Variants in SEC16B observed in about 807,000 individuals in gnomAD.
SEC16B encodes the protein protein transport protein Sec16B.
SEC16B carries 115 observed loss-of-function variants against 141.8 expected under a neutral mutation model. The ratio of observed to expected loss-of-function variants is 0.81; its 90% confidence interval spans 0.70 to 0.95. The LOEUF is 0.95. SEC16B is among the 40% of genes least tolerant of loss of function. The pLI is 0.00. For missense variants in SEC16B, 1,291 were observed against 1,312.3 expected (o/e 0.98, Z 0.25); for synonymous variants, 493 against 492.5 (o/e 1.00, Z -0.01).
intron 19 of SEC16B, among the ~76,000 whole-genome samples, chr1:177,936,924 C>T (rs1650885937): frequency 6.6e-6 from 1 of 152,156 alleles, no homozygotes; most frequent in Admixed American, 6.5e-5. Flanking sequence ...TAATCTCTCT[C>T]CTAGAAACTA....
chr1:177,941,779 G>T, intron 16 of SEC16B, 121 bp downstream of exon 16: 2 of 1,138,460 alleles, frequency 1.8e-6, no homozygotes, highest in East Asian at 2.4e-5. Context: ...AAAGATGGCC[G>T]TGGGCTCCAA....
Position 177,958,130 on chromosome 1 carries a change from G to T in SEC16B, c.1365+2C>A. ...ATAAGTATGGGGGAAGGGCATACTT[G>T]CCTTCTTCCTTCCATAGTAGAGCAG... On this transcript the variant is annotated splice_donor_variant, in intron 10 of 25. Coordinates refer to ENST00000308284, the MANE Select transcript of SEC16B (RefSeq NM_033127.4). LOFTEE classifies it high-confidence loss of function. The T allele has an allele frequency of 6.7e-7, 1 of 1,493,558 alleles. No individual in the cohort carries two copies. The highest frequency in any genetic ancestry group is 9.0e-7 in the Non-Finnish European group (1 of 1,116,164). The allele number at this position is 1,493,558 out of a possible 1,614,324, so 92.5% of individuals were successfully genotyped here. A position where few individuals can be genotyped will look rare whatever the true frequency, so the allele number is the denominator to read the frequency against.
intron 1 of SEC16B, among the ~76,000 whole-genome samples, chr1:177,983,571 C>A (rs888987681): frequency 6.6e-6 from 1 of 151,958 alleles, no homozygotes; most frequent in African/African-American, 2.4e-5. Flanking sequence ...TTTATGATCT[C>A]TGAAAATACT....
chr1:177,973,404 T>C (rs1210769996), upstream of SEC16B: 1 of 152,242 alleles, frequency 6.6e-6, no homozygotes, highest in African/African-American at 2.4e-5. Context: ...GATGATTTTA[T>C]TTTCTTCCTC....
At chr1:177,960,282 G>A (rs751804616) in intron 8 of SEC16B, 60 bp downstream of exon 8, 2 of 1,091,144 alleles carry the variant, frequency 1.8e-6, no homozygotes, top group Non-Finnish European at 2.8e-6. Flanking sequence ...ATGCTGATCT[G>A]GGCAGGAAGA....
chr1:177,973,192 C>T (rs1654029603), upstream of SEC16B: 1 of 152,180 alleles, frequency 6.6e-6, no homozygotes, highest in African/African-American at 2.4e-5. Context: ...TGAACACCCA[C>T]CTAGATCTAG....
chr1:177,967,401 T>G (rs6667659), intron 2 of SEC16B, among the ~76,000 whole-genome samples: 56,336 of 151,984 alleles, frequency 0.37, 10,735 homozygotes, highest in Admixed American at 0.42. Context: ...TTTCACCACT[T>G]TTTCTACCCT....
chr1:177,937,362 T>G lies in SEC16B; in HGVS notation c.2355A>C (p.Ala785=). ...TCCCTGTCTGCCCTGCACCCCCTCC[T>G]GCTGGGTAGGAGCCCGGCTGGAGGG... ...PFPLQPGSYP[A]GGGAGQTGTP... Residue 785 remains alanine (A), a synonymous_variant, in exon 19 of 26, where the codon GCA becomes GCC. Coordinates refer to ENST00000308284, the MANE Select transcript of SEC16B (RefSeq NM_033127.4). 3 of 1,613,400 alleles carry G rather than the reference T, an allele frequency of 1.9e-6. No homozygotes were observed. Among genetic ancestry groups the G allele is most frequent in the Non-Finnish European group, 2.5e-6 (3 of 1,179,714 alleles).
Position 177,945,979 on chromosome 1 carries a change from C to G in SEC16B, c.1775+441G>C, listed in dbSNP as rs1253262483. The G allele has an allele frequency of 4.9e-5, 14 of 283,982 alleles. No homozygotes were observed. In the South Asian group the frequency reaches 6.4e-4, roughly 13 times the overall value. The allele number at this position is 283,982 out of a possible 1,614,324, so 17.6% of individuals were successfully genotyped here. ...TGTGCACCAAGTCATTGTAGGGATG[C>G]TAGGGCCCCAAAGAGGGACTAAACA... On this transcript the variant is annotated intron_variant, in intron 14 of 25. Coordinates refer to ENST00000308284, the MANE Select transcript of SEC16B (RefSeq NM_033127.4).
Position 177,929,423 on chromosome 1 carries a change from G to T in SEC16B, c.*435C>A. 5.3e-6 allele frequency: 1 copy of T among 189,284 alleles called. No individual in the cohort carries two copies. Among genetic ancestry groups the T allele is most frequent in the Non-Finnish European group, 1.1e-5 (1 of 89,084 alleles). The allele number at this position is 189,284 out of a possible 1,614,324, so 11.7% of individuals were successfully genotyped here. A position where few individuals can be genotyped will look rare whatever the true frequency, so the allele number is the denominator to read the frequency against. ...GAGCCATGTATTGGTCTATTACTAA[G>T]ACAGGAAGTAGTCAAAGTTGGTCTA... On this transcript the variant is annotated 3_prime_UTR_variant, in exon 26 of 26. Transcript: ENST00000308284.
Position 177,929,785 on chromosome 1 carries a change from G to A in SEC16B, c.*73C>T, listed in dbSNP as rs753687928. The A allele has an allele frequency of 1.7e-5, 26 of 1,525,004 alleles. No individual in the cohort carries two copies. Among genetic ancestry groups the A allele is most frequent in the Non-Finnish European group, 2.2e-5 (24 of 1,110,846 alleles). The allele number at this position is 1,525,004 out of a possible 1,614,324, so 94.5% of individuals were successfully genotyped here. A position where few individuals can be genotyped will look rare whatever the true frequency, so the allele number is the denominator to read the frequency against. ...TGAGGGTCCCAATATGGTAGAGAGG[G>A]GCTGGGAGATTGAGAAAAAGAGAGC... On this transcript the variant is annotated 3_prime_UTR_variant, in exon 26 of 26. Transcript: ENST00000308284.
At chr1:177,968,240 G>C (rs1450141922) in intron 1 of SEC16B, among the ~76,000 whole-genome samples, 1 of 152,150 alleles carries the variant, frequency 6.6e-6, no homozygotes, top group Admixed American at 6.5e-5. Flanking sequence ...TATTAATATT[G>C]CTTAAAAAAT....
chr1:177,929,762 A>G lies in SEC16B; in HGVS notation c.*96T>C. 7.2e-7 allele frequency: 1 copy of G among 1,381,780 alleles called. No homozygotes were observed. Among genetic ancestry groups the G allele is most frequent in the Middle Eastern group, 1.8e-4 (1 of 5,618 alleles). The allele number at this position is 1,381,780 out of a possible 1,614,324, so 85.6% of individuals were successfully genotyped here. ...GCATCGGGCTAGCACAAACCTCTTG[A>G]GGGTCCCAATATGGTAGAGAGGGGC... On this transcript the variant is annotated 3_prime_UTR_variant, in exon 26 of 26. Transcript: ENST00000308284.
At position 177,960,944 on chromosome 1, in the gene SEC16B, T is replaced by C. The variant is rs754591671; in HGVS notation, c.788-5A>G. The C allele has an allele frequency of 6.6e-7, 1 of 1,505,322 alleles. No individual in the cohort carries two copies. Among genetic ancestry groups the C allele is most frequent in the Non-Finnish European group, 9.2e-7 (1 of 1,092,578 alleles). 93.2% of individuals were successfully genotyped at this position (1,505,322 alleles called of 1,614,324 possible). A position where few individuals can be genotyped will look rare whatever the true frequency, so the allele number is the denominator to read the frequency against. The stretch of plus-strand genomic sequence containing the variant: ...TGGGACCAGCTGAGGAGACATCTTC[T>C]GACCAACAGACACAGATGGACATTG... On this transcript the variant is annotated splice_polypyrimidine_tract_variant and splice_region_variant and intron_variant, in intron 6 of 25. Coordinates refer to ENST00000308284, the MANE Select transcript of SEC16B (RefSeq NM_033127.4).
chr1:177,951,921 G>T lies in SEC16B; in HGVS notation c.1538C>A (p.Ala513Glu). The T allele has an allele frequency of 6.2e-7, 1 of 1,603,324 alleles. No individual in the cohort carries two copies. Among genetic ancestry groups the T allele is most frequent in the Non-Finnish European group, 8.5e-7 (1 of 1,175,292 alleles). ...FQLMSGRIPQ[A>E]ATCCGEKQWG... The stretch of plus-strand genomic sequence containing the variant: ...ATCCTGTCATAGGGGTACCGTGGCT[G>T]CCTGTGGAATCCTCCCCGACATGAG... Residue 513 changes from alanine (A) to glutamate (E), a missense_variant, in exon 12 of 26, where the codon GCA (alanine) becomes GAA (glutamate). Ala to Glu is a moderately radical substitution (Grantham distance 107, BLOSUM62 -1). Coordinates refer to ENST00000308284, the MANE Select transcript of SEC16B (RefSeq NM_033127.4).
chr1:177,963,009 G>A (rs187048838), intron 5 of SEC16B, among the ~76,000 whole-genome samples: 2 of 151,924 alleles, frequency 1.3e-5, no homozygotes, highest in East Asian at 2.0e-4. Flanking sequence ...TAGGAAGGCC[G>A]AGGCAGGAGG....
At chr1:177,961,086 C>T in intron 6 of SEC16B, 147 bp from the exon 7 acceptor site, 1 of 787,362 alleles carries the variant, frequency 1.3e-6, no homozygotes, top group East Asian at 2.7e-5. Context: ...TAGAAGAAGC[C>T]CATGTTCCCT....
At chr1:177,948,524 G>A (rs1286804390) in intron 12 of SEC16B, 2 of 1,304,292 alleles carry the variant, frequency 1.5e-6, no homozygotes, top group Non-Finnish European at 2.0e-6. Flanking sequence ...CAGCTAGGAC[G>A]ATGCAGAGGC....
chr1:177,964,954 G>T (rs1317924492), intron 4 of SEC16B, 93 bp downstream of exon 4: 1 of 1,442,606 alleles, frequency 6.9e-7, no homozygotes, highest in Non-Finnish European at 9.5e-7. Context: ...GGCTTCTGGA[G>T]GTGAGATGGC....
Sources: gnomAD v4.1 joint callset for allele counts (sites outside exome capture counted in the v4.1 genomes callset) on GRCh38, gnomAD v4.1.1 for gene constraint, MANE v1.5 for transcripts, NCBI Gene and HGNC (gene_info 2026-07-23, HGNC 2026-07-21) for gene names.